NOX4: variants seen among roughly 807,000 people sequenced by gnomAD.
NOX4 encodes kidney oxidase-1.
NOX4 carries 69 observed loss-of-function variants against 87.6 expected under a neutral mutation model. The observed-to-expected ratio is 0.79, with a 90% CI of 0.65 to 0.96. NOX4 has a LOEUF of 0.96. NOX4 is among the 40% of genes least tolerant of loss of function. The pLI, the probability that NOX4 is intolerant of heterozygous loss-of-function variation, is 0.00. For synonymous variants in NOX4, 275 were observed against 238.2 expected, an observed-to-expected ratio of 1.15 and a Z score of -1.42; for missense variants, 680 against 681.5, an observed-to-expected ratio of 1.00 and a Z score of 0.02.
At chr11:89,420,831 T>A (rs1024779011) in intron 8 of NOX4, among the ~76,000 whole-genome samples, 1 of 152,148 alleles carries the variant, frequency 6.6e-6, no homozygotes, top group African/African-American at 2.4e-5. Flanking sequence ...ATCGGTGAAA[T>A]GCATCTGGAC....
At chr11:89,506,958 T>C in the NOX4 span, among the ~76,000 whole-genome samples, 4 of 151,932 alleles carry the variant, frequency 2.6e-5, no homozygotes, top group Non-Finnish European at 4.4e-5. Flanking sequence ...GCAATACTAT[T>C]CACCAATAAA....
the NOX4 span, among the ~76,000 whole-genome samples, chr11:89,515,987 T>C: frequency 6.6e-6 from 1 of 152,120 alleles, no homozygotes; most frequent in Non-Finnish European, 1.5e-5. Context: ...TTGTTACACC[T>C]AACAATTTGC....
chr11:89,402,776 C>T (rs1431154050), intron 8 of NOX4, among the ~76,000 whole-genome samples: 2 of 152,042 alleles, frequency 1.3e-5, no homozygotes, highest in African/African-American at 4.8e-5. Context: ...CAAACAAATG[C>T]TATAAATATG....
At chr11:89,472,056 G>A (rs1339441177) in intron 2 of NOX4, among the ~76,000 whole-genome samples, 1 of 152,108 alleles carries the variant, frequency 6.6e-6, no homozygotes, top group African/African-American at 2.4e-5. Context: ...TTACCTAACT[G>A]TTTTGATAAG....
chr11:89,556,574 G>C, the NOX4 span, among the ~76,000 whole-genome samples: 24 of 151,902 alleles, frequency 1.6e-4, no homozygotes, highest in Non-Finnish European at 3.4e-4. Context: ...ACATCTTCAG[G>C]AGTAATAGCA....
chr11:89,438,200 A>C (rs1944180044), intron 6 of NOX4, among the ~76,000 whole-genome samples: 1 of 145,468 alleles, frequency 6.9e-6, no homozygotes, highest in Non-Finnish European at 1.5e-5. Context: ...ATTAGTTATT[A>C]GTATAATAAT....
intron 7 of NOX4, among the ~76,000 whole-genome samples, chr11:89,427,132 C>A (rs1943465426): frequency 6.6e-6 from 1 of 152,192 alleles, no homozygotes; most frequent in Admixed American, 6.5e-5. Context: ...GGACCTCCAG[C>A]AAACTCCAAC....
chr11:89,372,158 A>G (rs980338653), intron 12 of NOX4, among the ~76,000 whole-genome samples: 2 of 151,288 alleles, frequency 1.3e-5, no homozygotes, highest in Non-Finnish European at 3.0e-5. Context: ...CAAATCCATT[A>G]CTTCCAATTT....
intron 12 of NOX4, among the ~76,000 whole-genome samples, chr11:89,358,957 C>T (rs960137562): frequency 1.3e-5 from 2 of 151,712 alleles, no homozygotes; most frequent in African/African-American, 4.8e-5. Flanking sequence ...GGATTTTCTG[C>T]GAAGTGATAC....
chr11:89,556,395 T>A, the NOX4 span, among the ~76,000 whole-genome samples: 1 of 152,038 alleles, frequency 6.6e-6, no homozygotes, highest in African/African-American at 2.4e-5. Context: ...TGGTGGCATG[T>A]GCCTGTAATC....
At chr11:89,402,912 T>C (rs1216369491) in intron 8 of NOX4, among the ~76,000 whole-genome samples, 1 of 152,176 alleles carries the variant, frequency 6.6e-6, no homozygotes, top group Non-Finnish European at 1.5e-5. Flanking sequence ...TAATGAGGAA[T>C]ATTTTGCTAG....
At chr11:89,328,479 G>A (rs11018582) in intron 17 of NOX4, among the ~76,000 whole-genome samples, 16,870 of 152,134 alleles carry the variant, frequency 0.11, 1,049 homozygotes, top group Admixed American at 0.16. Context: ...TTAAAAGTGA[G>A]ACTTGTAAAG....
chr11:89,508,745 G>A, the NOX4 span, among the ~76,000 whole-genome samples: 9 of 152,140 alleles, frequency 5.9e-5, no homozygotes, highest in East Asian at 7.8e-4. Flanking sequence ...GCTGTGTTAC[G>A]TAGTGCTCAA....
In NOX4 at chr11:89,491,269, G is replaced by T. The variant is rs1946842995; in HGVS notation, c.-23C>A. ...CATGCCGCCGGCCCCGCCGCGCTGC[G>T]CTCTGTGCCCGCCGGACCGAGAAGG... On this transcript the variant is annotated 5_prime_UTR_variant, in exon 1 of 18. Transcript: ENST00000263317. 1 of 1,609,970 alleles carries T rather than the reference G, an allele frequency of 6.2e-7. No individual in the cohort carries two copies. Among genetic ancestry groups the T allele is most frequent in the Non-Finnish European group, 8.5e-7 (1 of 1,178,034 alleles).
At chr11:89,419,641 A>G (rs1052359580) in intron 8 of NOX4, among the ~76,000 whole-genome samples, 15 of 151,946 alleles carry the variant, frequency 9.9e-5, no homozygotes, top group Admixed American at 6.6e-4. Context: ...TAATTGATTG[A>G]TTATATATAA....
chr11:89,331,908 C>CTT (rs983707108), intron 17 of NOX4, among the ~76,000 whole-genome samples: 1 of 144,990 alleles, frequency 6.9e-6, no homozygotes, highest in Non-Finnish European at 1.5e-5. Context: ...TGAAATCTTA[C>CTT]TTTTTTTTTT....
the NOX4 span, among the ~76,000 whole-genome samples, chr11:89,525,067 TA>T: frequency 3.8e-3 from 579 of 152,212 alleles, 4 homozygotes; most frequent in African/African-American, 0.013. Flanking sequence ...TATATGAATA[TA>T]ATGCATGATT....
At chr11:89,456,603 G>A (rs532393655) in intron 2 of NOX4, among the ~76,000 whole-genome samples, 3 of 152,262 alleles carry the variant, frequency 2.0e-5, no homozygotes, top group Admixed American at 2.0e-4. Context: ...ACTGGGGCTC[G>A]CTCCTGGACC....
Position 89,385,377 on chromosome 11 carries a change from T to C in NOX4, c.1075-11885A>G, listed in dbSNP as rs187881773. 3.3e-5 allele frequency among the ~76,000 whole-genome samples: 5 copies of C among 152,250 alleles called. No individual in the cohort carries two copies. In the South Asian group the frequency reaches 6.2e-4, roughly 19 times the overall value. ...CTGTTAAGGTAGCTAAAAAAGCAGCTAGCATTCCAACTTCTGTTCCTCATG... is the reference window on the plus strand; with the variant it reads ...CTGTTAAGGTAGCTAAAAAAGCAGCCAGCATTCCAACTTCTGTTCCTCATG... On this transcript the variant is annotated intron_variant, in intron 11 of 17. Transcript: ENST00000263317.
Sources: gnomAD v4.1 joint callset for allele counts (sites outside exome capture counted in the v4.1 genomes callset) on GRCh38, gnomAD v4.1.1 for gene constraint, MANE v1.5 for transcripts, NCBI Gene and HGNC (gene_info 2026-07-23, HGNC 2026-07-21) for gene names.